NHSL1: variants seen among roughly 807,000 people sequenced by gnomAD.
NHSL1 encodes the protein NHS like 1.
NHSL1 carries 48 observed loss-of-function variants against 95.0 expected under a neutral mutation model. The observed-to-expected ratio is 0.51, with a 90% CI of 0.40 to 0.64. The LOEUF is 0.64. Ranked by LOEUF, NHSL1 falls within the 30% of genes least tolerant of loss-of-function variation. The pLI, the probability that NHSL1 is intolerant of heterozygous loss-of-function variation, is 0.00. For synonymous variants in NHSL1, 783 were observed against 833.9 expected (o/e 0.94, Z 1.05); for missense variants, 1,971 against 2,077.7 (o/e 0.95, Z 1.00).
At chr6:138,529,256 C>G (rs1259079467) in intron 1 of NHSL1, among the ~76,000 whole-genome samples, 1 of 152,170 alleles carries the variant, frequency 6.6e-6, no homozygotes, top group Non-Finnish European at 1.5e-5. Context: ...AAAGGTCATT[C>G]AATTTTGGTG....
At chr6:138,621,078 G>C (rs1349488407) in intron 1 of NHSL1, among the ~76,000 whole-genome samples, 4 of 152,178 alleles carry the variant, frequency 2.6e-5, no homozygotes, top group African/African-American at 9.7e-5. Flanking sequence ...GCACCACCAT[G>C]CTTGCTTGGC....
chr6:138,476,580 A>G lies in NHSL1; in HGVS notation c.212-3147T>C, dbSNP rs1236275905. The stretch of plus-strand genomic sequence containing the variant: ...AGTAGCTCACGCCTGTAATCCAAGC[A>G]CTATGGGAGGCCGAGGCAGGCGGAT... On this transcript the variant is annotated intron_variant, in intron 2 of 7. Coordinates refer to ENST00000343505, the MANE Select transcript of NHSL1 (RefSeq NM_001144060.2). Among the ~76,000 whole-genome samples the G allele has an allele frequency of 2.0e-5, 3 of 152,096 alleles. No homozygotes were observed. In the East Asian group the frequency reaches 5.8e-4, roughly 29 times the overall value.
chr6:138,497,487 T>C (rs1780425454), intron 1 of NHSL1, among the ~76,000 whole-genome samples: 2 of 152,162 alleles, frequency 1.3e-5, no homozygotes, highest in African/African-American at 4.8e-5. Context: ...CAACATAACA[T>C]GTACCTGGAA....
chr6:138,609,476 C>T (rs1413386360), intron 1 of NHSL1, among the ~76,000 whole-genome samples: 6 of 152,048 alleles, frequency 3.9e-5, no homozygotes, highest in South Asian at 2.1e-4. Flanking sequence ...TCCGGCCGGG[C>T]GCGGTGGCTC....
At chr6:138,483,813 T>C (rs1779564030) in intron 2 of NHSL1, among the ~76,000 whole-genome samples, 1 of 152,228 alleles carries the variant, frequency 6.6e-6, no homozygotes, top group South Asian at 2.1e-4. Context: ...GGTGGCTGGC[T>C]GGTGCTCGGT....
chr6:138,623,889 G>A lies in NHSL1; in HGVS notation c.96+68587C>T, dbSNP rs1490073795. ...ATAGTGAGTGAGTCTCAAGAGATCC[G>A]ATGGTTTTATAAGCGTCTGGCATTT... On this transcript the variant is annotated intron_variant, in intron 1 of 3. Transcript: ENST00000491526. Among the ~76,000 whole-genome samples the A allele has an allele frequency of 2.6e-5, 4 of 152,140 alleles. No homozygotes were observed. The South Asian group carries it at 8.3e-4, about 32-fold the overall frequency.
rs1232678871 is a variant in NHSL1 at position 138,430,517 on chromosome 6, C to T, written c.3828G>A (p.Val1276=). ...GCTGAACCATGGGGACATTGGCTTC[C>T]ACTCTGCTGGGAGACATGGATCCTG... The part of the protein sequence containing the change: ...GAAGSMSPSR[V]EANVPMVQPD... Residue 1276 remains valine, a synonymous_variant, in exon 6 of 8, where the codon GTG becomes GTA. Coordinates refer to ENST00000343505, the MANE Select transcript of NHSL1 (RefSeq NM_001144060.2). The surrounding 1 kb of genome is among the most constrained non-coding windows in gnomAD (Gnocchi z 4.7). 2 of 1,551,342 alleles carry T rather than the reference C, an allele frequency of 1.3e-6. No individual in the cohort carries two copies. The highest frequency in any genetic ancestry group is 2.7e-5 in the African/African-American group (2 of 73,012).
intron 1 of NHSL1, among the ~76,000 whole-genome samples, chr6:138,591,583 AT>A (rs1173089485): frequency 1.3e-5 from 2 of 151,764 alleles, no homozygotes; most frequent in Non-Finnish European, 2.9e-5. Context: ...TGCCTGGCTG[AT>A]TTTTTTGTTG....
At chr6:138,647,948 G>A (rs978275911) in intron 1 of NHSL1, among the ~76,000 whole-genome samples, 2 of 152,054 alleles carry the variant, frequency 1.3e-5, no homozygotes, top group Admixed American at 1.3e-4. Flanking sequence ...TTAAATTGTT[G>A]CCAAATTTTT....
chr6:138,626,926 ATT>A (rs1784747387), intron 1 of NHSL1, among the ~76,000 whole-genome samples: 1 of 150,768 alleles, frequency 6.6e-6, no homozygotes, highest in Admixed American at 6.6e-5. Context: ...AAAAAAAAAA[ATT>A]GTAACTACCA....
intron 1 of NHSL1, among the ~76,000 whole-genome samples, chr6:138,604,844 T>C (rs980749577): frequency 6.6e-6 from 1 of 152,072 alleles, no homozygotes; most frequent in African/African-American, 2.4e-5. Context: ...CAGGCTAGTC[T>C]CCAACTCCTG....
chr6:138,432,716 C>A lies in NHSL1; in HGVS notation c.1629G>T (p.Gly543=), dbSNP rs1208352572. 2 of 1,551,588 alleles carry A rather than the reference C, an allele frequency of 1.3e-6. No homozygotes were observed. The highest frequency in any genetic ancestry group is 3.9e-5 in the Admixed American group (2 of 50,998). The change falls in exon 6 of 8, where the codon GGG becomes GGT. Residue 543 remains glycine, a synonymous_variant. Transcript: ENST00000343505. The surrounding 1 kb of genome is among the most constrained non-coding windows in gnomAD (Gnocchi z 4.4). Reference sequence around the variant, plus strand: ...GCTCCGAGCTGCTGTGCCCTCCGCCCCCTGAATAACTAGATTCACTCTTGC... The same window carrying A: ...GCTCCGAGCTGCTGTGCCCTCCGCCACCTGAATAACTAGATTCACTCTTGC... ...VDGKSESSYS[G]GGGHSSSEPW... is the part of the protein sequence containing the mutation.
intron 1 of NHSL1, among the ~76,000 whole-genome samples, chr6:138,568,103 A>T (rs1416201492): frequency 6.6e-6 from 1 of 152,232 alleles, no homozygotes; most frequent in East Asian, 1.9e-4. Flanking sequence ...GTGCTGGAAA[A>T]GCAGCAGGCA....
At chr6:138,478,598 G>A (rs546677667) in intron 2 of NHSL1, among the ~76,000 whole-genome samples, 65 of 152,286 alleles carry the variant, frequency 4.3e-4, no homozygotes, top group Non-Finnish European at 7.8e-4. Context: ...AATAAGCAAA[G>A]ACTTTTTAAA....
chr6:138,689,494 C>A (rs956427929), intron 1 of NHSL1, among the ~76,000 whole-genome samples: 1 of 152,234 alleles, frequency 6.6e-6, no homozygotes, highest in Non-Finnish European at 1.5e-5. Context: ...CCAGCAGGGC[C>A]AGCCCACAGG....
chr6:138,503,755 C>A (rs1176666727), upstream of NHSL1, among the ~76,000 whole-genome samples: 2 of 152,320 alleles, frequency 1.3e-5, no homozygotes, highest in East Asian at 3.9e-4. Context: ...TGTCTGCCCT[C>A]AGTTCCATTT....
chr6:138,529,453 T>G (rs1408909956), intron 1 of NHSL1, among the ~76,000 whole-genome samples: 1 of 152,184 alleles, frequency 6.6e-6, no homozygotes, highest in Non-Finnish European at 1.5e-5. Context: ...TTATGATGAG[T>G]GCTGTTATAA....
At chr6:138,505,511 C>T (rs527306531) in intron 1 of NHSL1, among the ~76,000 whole-genome samples, 1 of 151,876 alleles carries the variant, frequency 6.6e-6, no homozygotes, top group East Asian at 1.9e-4. Flanking sequence ...AAAAATTAGC[C>T]AGGTGTGGTG....
intron 1 of NHSL1, among the ~76,000 whole-genome samples, chr6:138,587,148 T>C (rs1784147674): frequency 6.6e-6 from 1 of 151,968 alleles, no homozygotes; most frequent in Admixed American, 6.5e-5. Flanking sequence ...AATTTTTGTA[T>C]TTTTAGTAGA....
Sources: gnomAD v4.1 joint callset for allele counts (sites outside exome capture counted in the v4.1 genomes callset) on GRCh38, gnomAD v4.1.1 for gene constraint, Gnocchi (gnomAD v3.1) non-coding constraint, MANE v1.5 for transcripts, NCBI Gene and HGNC (gene_info 2026-07-23, HGNC 2026-07-21) for gene names.